PCDHB9: variants seen among roughly 807,000 people sequenced by gnomAD.
PCDHB9 encodes protocadherin beta-9.
For synonymous variants in PCDHB9, 501 were observed against 439.7 expected (o/e 1.14, Z -1.75); for missense variants, 1,072 against 995.1 (o/e 1.08, Z -1.04).
In PCDHB9 at chr5:141,190,497, A is replaced by T. The variant is rs1753876999; in HGVS notation, c.*785A>T. On this transcript the variant is annotated 3_prime_UTR_variant, in exon 1 of 1. Transcript: ENST00000316105. ...GCCTACAATAATTTTCTTAAACTTT[A>T]CCTTTTATTTTAAAGTTCTAGTTTC... 1 of 151,596 alleles carries T rather than the reference A, an allele frequency of 6.6e-6. No homozygotes were observed. Among genetic ancestry groups the T allele is most frequent in the African/African-American group, 2.4e-5 (1 of 41,242 alleles). The allele number at this position is 151,596 out of a possible 1,614,324, so 9.4% of individuals were successfully genotyped here.
rs782680555 is a variant in PCDHB9, at chr5:141,187,490, G to A, written c.172G>A (p.Glu58Lys). The change falls in exon 1 of 1, where the codon GAG becomes AAG. Residue 58 changes from glutamate (E) to lysine (K), a missense_variant. Physicochemically the swap from Glu to Lys is moderately conservative, Grantham distance 56. Coordinates refer to ENST00000316105, the MANE Select transcript of PCDHB9 (RefSeq NM_019119.5). ...LAKDLGLAEG[E>K]LAARGTRVVS... ...AAAGGATCTGGGACTAGCAGAGGGG[G>A]AGCTGGCTGCAAGGGGAACCAGGGT... The A allele has an allele frequency of 6.2e-7, 1 of 1,612,404 alleles. No individual in the cohort carries two copies. The highest frequency in any genetic ancestry group is 1.7e-5 in the Admixed American group (1 of 59,872).
chr5:141,190,109 G>C lies in PCDHB9; in HGVS notation c.*397G>C, dbSNP rs1432913361. On this transcript the variant is annotated 3_prime_UTR_variant, in exon 1 of 1. Transcript: ENST00000316105. ...TTCTTCTATTTTTCTTTTGAAACCG[G>C]TGTTCTTATTGGTTTGCCATCCTTG... 2 of 156,686 alleles carry C rather than the reference G, an allele frequency of 1.3e-5. No homozygotes were observed. The highest frequency in any genetic ancestry group is 4.8e-5 in the African/African-American group (2 of 41,278). 9.7% of individuals were successfully genotyped at this position (156,686 alleles called of 1,614,324 possible).
In PCDHB9 at chr5:141,187,769, G is replaced by C. The variant is rs782615080; in HGVS notation, c.451G>C (p.Ala151Pro). ...KISENTAEGT[A>P]FRLERAQDPD... Reference sequence around the variant, plus strand: ...ATCAGAAAATACAGCTGAAGGGACAGCATTTAGACTAGAAAGAGCACAGGA... The same window carrying C: ...ATCAGAAAATACAGCTGAAGGGACACCATTTAGACTAGAAAGAGCACAGGA... The change falls in exon 1 of 1, where the codon GCA becomes CCA. Residue 151 changes from alanine to proline, a missense_variant. Physicochemically the swap from Ala to Pro is conservative, Grantham distance 27. Coordinates refer to ENST00000316105, the MANE Select transcript of PCDHB9 (RefSeq NM_019119.5). 13 of 1,614,156 alleles carry C rather than the reference G, an allele frequency of 8.1e-6. No individual in the cohort carries two copies. In the East Asian group the frequency reaches 2.5e-4, roughly 30 times the overall value.
rs1285711450 is a variant in PCDHB9, at chr5:141,188,631, C to T, written c.1313C>T (p.Thr438Ile). 5.6e-6 allele frequency: 9 copies of T among 1,614,086 alleles called. No homozygotes were observed. Among genetic ancestry groups the T allele is most frequent in the African/African-American group, 1.3e-5 (1 of 74,958 alleles). Residue 438 changes from threonine (T) to isoleucine (I), a missense_variant, in exon 1 of 1, where the codon ACC becomes ATC. Physicochemically the swap from Thr to Ile is moderately conservative, Grantham distance 89. Coordinates refer to ENST00000316105, the MANE Select transcript of PCDHB9 (RefSeq NM_019119.5). ...AGGCTGAAAACCGAGCACAGCATAA[C>T]CCTGCAGGTCTCCGACGTCAATGAC... is the stretch of plus-strand genomic sequence containing the variant. ...TPRLKTEHSI[T>I]LQVSDVNDNA...
In PCDHB9 at chr5:141,188,341, T is replaced by C. The variant is rs1554282984; in HGVS notation, c.1023T>C (p.Asn341=). ...CTVLIKVLDS[N]DNPPELIISS... is the part of the protein sequence containing the mutation. ...TTTTGATAAAAGTATTAGATTCCAA[T>C]GACAATCCTCCTGAACTGATCATAT... Residue 341 remains asparagine (N), a synonymous_variant, in exon 1 of 1, where the codon AAT becomes AAC. Transcript: ENST00000316105. 2.5e-6 allele frequency: 4 copies of C among 1,614,182 alleles called. No homozygotes were observed. The South Asian group carries it at 4.4e-5, about 18-fold the overall frequency.
chr5:141,189,040 G>T lies in PCDHB9; in HGVS notation c.1722G>T (p.Glu574Asp). 1 of 1,608,684 alleles carries T rather than the reference G, an allele frequency of 6.2e-7. No individual in the cohort carries two copies. The highest frequency in any genetic ancestry group is 2.2e-5 in the East Asian group (1 of 44,860). ...AGAACGGCTCCGCGCCCTGCACCGA[G>T]CTGGTGCCCCGGGCGGCCGAGCCGG... ...PLQNGSAPCT[E>D]LVPRAAEPGY... is the part of the protein sequence containing the mutation. Residue 574 changes from glutamate (E) to aspartate (D), a missense_variant, in exon 1 of 1, where the codon GAG becomes GAT. Physicochemically the swap from Glu to Asp is conservative, Grantham distance 45. Transcript: ENST00000316105.
Position 141,189,127 on chromosome 5 carries a change from G to T in PCDHB9, c.1809G>T (p.Ser603=), listed in dbSNP as rs782590243. The change falls in exon 1 of 1, where the codon TCG becomes TCT. Residue 603 remains serine, a synonymous_variant. Transcript: ENST00000316105. ...DGDSGQNAWL[S]YQLLKATEPG... is the part of the protein sequence containing the mutation. ...ACTCGGGCCAGAACGCCTGGCTGTC[G>T]TACCAGCTGCTCAAGGCCACGGAGC... The T allele has an allele frequency of 7.5e-6, 12 of 1,601,172 alleles. No individual in the cohort carries two copies. Among genetic ancestry groups the T allele is most frequent in the Admixed American group, 3.3e-5 (2 of 59,866 alleles).
chr5:141,188,825 C>T lies in PCDHB9; in HGVS notation c.1507C>T (p.Leu503=), dbSNP rs368038735. 6.6e-5 allele frequency: 106 copies of T among 1,612,872 alleles called. No homozygotes were observed. In the Middle Eastern group the frequency reaches 7.8e-4, roughly 12 times the overall value. Residue 503 remains leucine (L), a synonymous_variant, in exon 1 of 1, where the codon CTG becomes TTG. Transcript: ENST00000316105. The part of the protein sequence containing the change: ...PQDPHLPLAS[L]VSINADNGHL... ...GGACCCACACCTGCCCCTCGCCTCC[C>T]TGGTCTCCATCAACGCGGACAATGG...
chr5:141,189,649 TA>T lies in PCDHB9; in HGVS notation c.2332del (p.Arg778GlyfsTer6). 6.2e-7 allele frequency: 1 copy of T among 1,613,794 alleles called. No homozygotes were observed. Among genetic ancestry groups the T allele is most frequent in the Non-Finnish European group, 8.5e-7 (1 of 1,179,854 alleles). ...KPITPHLPPH[R>X]GGKEIEENST... ...CGATTACCCCCCACCTCCCGCCCCATAGGGGTGGGAAAGAAATAGAGGAAAA... is the reference window on the plus strand; with the variant it reads ...CGATTACCCCCCACCTCCCGCCCCATGGGGTGGGAAAGAAATAGAGGAAAA... On this transcript the variant is annotated frameshift_variant, in exon 1 of 1. Coordinates refer to ENST00000316105, the MANE Select transcript of PCDHB9 (RefSeq NM_019119.5). LOFTEE classifies it low-confidence loss of function (END_TRUNC).
Position 141,188,469 on chromosome 5 carries a change from A to T in PCDHB9, c.1151A>T (p.Tyr384Phe). The T allele has an allele frequency of 1.9e-6, 3 of 1,614,180 alleles. No homozygotes were observed. The highest frequency in any genetic ancestry group is 2.5e-6 in the Non-Finnish European group (3 of 1,180,014). Reference protein sequence around the residue: ...DSGENGKTICYVQDNLPFFLK... With the variant: ...DSGENGKTICFVQDNLPFFLK... ...GGAGAAAATGGAAAGACAATTTGCT[A>T]TGTTCAAGATAATCTGCCTTTTTTT... The change falls in exon 1 of 1, where the codon TAT becomes TTT. Residue 384 changes from tyrosine (Y) to phenylalanine (F), a missense_variant. By Grantham distance (22) the Tyr-to-Phe change is conservative. Coordinates refer to ENST00000316105, the MANE Select transcript of PCDHB9 (RefSeq NM_019119.5).
At position 141,188,279 on chromosome 5, in the gene PCDHB9, G is replaced by A. The variant is rs782352783; in HGVS notation, c.961G>A (p.Ala321Thr). 1 of 1,614,058 alleles carries A rather than the reference G, an allele frequency of 6.2e-7. No homozygotes were observed. Among genetic ancestry groups the A allele is most frequent in the African/African-American group, 1.3e-5 (1 of 75,032 alleles). ...AAATTCTTACAAAATAAATATACAG[G>A]CAATGGACGGCGGAGGCCTTTCTGC... ...LVNSYKINIQ[A>T]MDGGGLSARC... The change falls in exon 1 of 1, where the codon GCA (alanine) becomes ACA (threonine). Residue 321 changes from alanine to threonine, a missense_variant. Physicochemically the swap from Ala to Thr is moderately conservative, Grantham distance 58 (BLOSUM62 0). Coordinates refer to ENST00000316105, the MANE Select transcript of PCDHB9 (RefSeq NM_019119.5).
chr5:141,188,985 A>G lies in PCDHB9; in HGVS notation c.1667A>G (p.Asp556Gly), dbSNP rs1753819568. 1.2e-6 allele frequency: 2 copies of G among 1,611,492 alleles called. No homozygotes were observed. The highest frequency in any genetic ancestry group is 1.7e-6 in the Non-Finnish European group (2 of 1,179,746). Residue 556 changes from aspartate to glycine, a missense_variant, in exon 1 of 1, where the codon GAC (aspartate) becomes GGC (glycine). Asp to Gly is a moderately conservative substitution (Grantham distance 94, BLOSUM62 -1). Transcript: ENST00000316105. Reference protein sequence around the residue: ...LVRVLVLDANDNSPFVLYPLQ... With the variant: ...LVRVLVLDANGNSPFVLYPLQ... ...CGCGTACTGGTGCTGGACGCCAACG[A>G]CAACTCGCCCTTCGTGCTGTACCCG...
rs782010063 is a variant in PCDHB9 at position 141,188,699 on chromosome 5, C to A, written c.1381C>A (p.Arg461=). The A allele has an allele frequency of 6.2e-7, 1 of 1,613,942 alleles. No homozygotes were observed. ...FTQTSYTLFV[R]ENNSPALHIG... The stretch of plus-strand genomic sequence containing the variant: ...CCAAACCTCCTACACCCTGTTCGTC[C>A]GGGAGAACAACAGCCCCGCCCTGCA... Residue 461 remains arginine, a synonymous_variant, in exon 1 of 1, where the codon CGG becomes AGG. Coordinates refer to ENST00000316105, the MANE Select transcript of PCDHB9 (RefSeq NM_019119.5).
rs1203357711 is a variant in PCDHB9, at chr5:141,189,458, T to G, written c.2140T>G (p.Cys714Gly). The G allele has an allele frequency of 6.2e-7, 1 of 1,612,528 alleles. No homozygotes were observed. The highest frequency in any genetic ancestry group is 1.1e-5 in the South Asian group (1 of 90,992). Residue 714 changes from cysteine to glycine, a missense_variant, in exon 1 of 1, where the codon TGC (cysteine) becomes GGC (glycine). By Grantham distance (159) the Cys-to-Gly change is radical (BLOSUM62 -3). Transcript: ENST00000316105. ...GCTCCTGTTCGTGGCGGTGCGGCTGTGCAGGAGGAGCAGGGCGGCCTCGGT... is the reference window on the plus strand; with the variant it reads ...GCTCCTGTTCGTGGCGGTGCGGCTGGGCAGGAGGAGCAGGGCGGCCTCGGT... ...SVLLFVAVRL[C>G]RRSRAASVGR...
At position 141,188,936 on chromosome 5, in the gene PCDHB9, G is replaced by T. The variant is rs1554283173; in HGVS notation, c.1618G>T (p.Ala540Ser). The change falls in exon 1 of 1, where the codon GCT (alanine) becomes TCT (serine). Residue 540 changes from alanine (A) to serine (S), a missense_variant. Transcript: ENST00000316105. Reference protein sequence around the residue: ...RVGASDRGSPALSSEALVRVL... With the variant: ...RVGASDRGSPSLSSEALVRVL... Reference sequence around the variant, plus strand: ...GGGCGCCTCAGACCGCGGCTCCCCGGCTTTGAGCAGCGAGGCGCTGGTGCG... The same window carrying T: ...GGGCGCCTCAGACCGCGGCTCCCCGTCTTTGAGCAGCGAGGCGCTGGTGCG... 3 of 1,612,002 alleles carry T rather than the reference G, an allele frequency of 1.9e-6. No individual in the cohort carries two copies. Among genetic ancestry groups the T allele is most frequent in the Non-Finnish European group, 2.5e-6 (3 of 1,179,814 alleles).
In PCDHB9 at chr5:141,188,938, T is replaced by A; in HGVS notation, c.1620T>A (p.Ala540=). 6.2e-7 allele frequency: 1 copy of A among 1,611,866 alleles called. No individual in the cohort carries two copies. ...GCGCCTCAGACCGCGGCTCCCCGGCTTTGAGCAGCGAGGCGCTGGTGCGCG... is the reference window on the plus strand; with the variant it reads ...GCGCCTCAGACCGCGGCTCCCCGGCATTGAGCAGCGAGGCGCTGGTGCGCG... ...RVGASDRGSP[A]LSSEALVRVL... Residue 540 remains alanine (A), a synonymous_variant, in exon 1 of 1, where the codon GCT becomes GCA. Transcript: ENST00000316105.
Position 141,189,810 on chromosome 5 carries a change from T to A in PCDHB9, c.*98T>A. On this transcript the variant is annotated 3_prime_UTR_variant, in exon 1 of 1. Coordinates refer to ENST00000316105, the MANE Select transcript of PCDHB9 (RefSeq NM_019119.5). The stretch of plus-strand genomic sequence containing the variant: ...CCACAAAGAAGGTACTATTTTTTGT[T>A]TGATTCATCTTCAACTTTGCGTATT... The A allele has an allele frequency of 9.1e-7, 1 of 1,093,830 alleles. No individual in the cohort carries two copies. The highest frequency in any genetic ancestry group is 1.3e-6 in the Non-Finnish European group (1 of 771,782). The allele number at this position is 1,093,830 out of a possible 1,614,324, so 67.8% of individuals were successfully genotyped here. A position where few individuals can be genotyped will look rare whatever the true frequency, so the allele number is the denominator to read the frequency against.
rs202035487 is a variant in PCDHB9, at chr5:141,190,178, G to GTTTTTTTTTTT, written c.*469_*470insTTTTTTTTTTT. 42 of 125,016 alleles carry GTTTTTTTTTTT rather than the reference G, an allele frequency of 3.4e-4. No homozygotes were observed. The highest frequency in any genetic ancestry group is 1.1e-3 in the African/African-American group (38 of 34,398). The allele number at this position is 125,016 out of a possible 1,614,324, so 7.7% of individuals were successfully genotyped here. ...TGTTTGTTTGTTTGTTTTTTGGTTT[G>GTTTTTTTTTTT]TTTGTTTTTTTTTTTTTTGAGACGG... On this transcript the variant is annotated 3_prime_UTR_variant, in exon 1 of 1. Transcript: ENST00000316105.
Position 141,189,588 on chromosome 5 carries a change from G to A in PCDHB9, c.2270G>A (p.Gly757Glu), listed in dbSNP as rs782751324. ...TACCAGTACGAGGTGTGTCTGACTG[G>A]AGGTTCAGAGACCGGCGAGTTCAAG... Reference protein sequence around the residue: ...QSYQYEVCLTGGSETGEFKFL... With the variant: ...QSYQYEVCLTEGSETGEFKFL... Residue 757 changes from glycine to glutamate, a missense_variant, in exon 1 of 1, where the codon GGA becomes GAA. Gly to Glu is a moderately conservative substitution (Grantham distance 98). Coordinates refer to ENST00000316105, the MANE Select transcript of PCDHB9 (RefSeq NM_019119.5). The A allele has an allele frequency of 1.9e-6, 3 of 1,614,118 alleles. No homozygotes were observed. Among genetic ancestry groups the A allele is most frequent in the Non-Finnish European group, 2.5e-6 (3 of 1,180,046 alleles).
Sources: allele counts gnomAD v4.1 joint callset, GRCh38; gene constraint gnomAD v4.1.1; transcripts MANE v1.5; gene names NCBI Gene and HGNC (gene_info 2026-07-23, HGNC 2026-07-21).